Variants in STN1 observed in about 807,000 individuals in gnomAD.
STN1 encodes the protein STN1 subunit of CST complex, also known as CST complex subunit STN1.
In STN1, 29 loss-of-function variants were observed where a neutral mutation model predicts 45.5. The observed-to-expected ratio is 0.64, with a 90% CI of 0.47 to 0.87. The LOEUF (loss-of-function observed/expected upper bound fraction) is 0.87, where lower values mean the gene tolerates loss of function less well. STN1 is among the 40% of genes least tolerant of loss of function. The probability of loss-of-function intolerance (pLI) is 0.00; values close to 1 mark genes in which losing one functional copy is unlikely to be tolerated. For missense variants in STN1, 376 were observed against 441.4 expected, an observed-to-expected ratio of 0.85 and a Z score of 1.33; for synonymous variants, 148 against 159.0, an observed-to-expected ratio of 0.93 and a Z score of 0.52.
Position 103,882,698 on chromosome 10 carries a change from A to T in STN1, c.1093T>A (p.Tyr365Asn), listed in dbSNP as rs1468540767. The T allele has an allele frequency of 2.5e-6, 4 of 1,613,280 alleles. No individual in the cohort carries two copies. The African/African-American group carries it at 5.3e-5, about 22-fold the overall frequency. Residue 365 changes from tyrosine to asparagine, a missense_variant, in exon 10 of 10, where the codon TAC (tyrosine) becomes AAC (asparagine). By Grantham distance (143) the Tyr-to-Asn change is moderately radical. Coordinates refer to ENST00000224950, the MANE Select transcript of STN1 (RefSeq NM_024928.5). ...SDIVSTMEHY[Y>N]TAF is the part of the protein sequence containing the mutation. Reference sequence around the variant, plus strand: ...CGTGTCTCTGCTCAGAACGCTGTGTAGTAGTGCTCCATTGTGCTGACAATG... The same window carrying T: ...CGTGTCTCTGCTCAGAACGCTGTGTTGTAGTGCTCCATTGTGCTGACAATG...
In STN1 at chr10:103,879,287, C is replaced by T. The variant is rs1025314957; in HGVS notation, c.*3397G>A. 6.6e-6 allele frequency: 1 copy of T among 152,472 alleles called. No homozygotes were observed. The highest frequency in any genetic ancestry group is 2.1e-4 in the South Asian group (1 of 4,832). The allele number at this position is 152,472 out of a possible 1,614,324, so 9.4% of individuals were successfully genotyped here. On this transcript the variant is annotated 3_prime_UTR_variant, in exon 10 of 10. Transcript: ENST00000224950. ...GAGAATTCTGCCATCATGGAACATT[C>T]TGTCTATTGGGGGAAAATAATAAAC... is the stretch of plus-strand genomic sequence containing the variant.
At chr10:103,892,384 G>A in intron 7 of STN1, 132 bp from the exon 8 acceptor site, 1 of 745,264 alleles carries the variant, frequency 1.3e-6, no homozygotes, top group Non-Finnish European at 2.1e-6. Flanking sequence ...AAAGATCCTG[G>A]TATGTACCGG....
rs1378244166 is a variant in STN1 at position 103,892,351 on chromosome 10, A to G, written c.754-99T>C. The G allele has an allele frequency of 1.7e-5, 19 of 1,137,614 alleles. No homozygotes were observed. The Admixed American group carries it at 4.8e-4, about 29-fold the overall frequency. 70.5% of individuals were successfully genotyped at this position (1,137,614 alleles called of 1,614,324 possible). ...CAACTGGTTCATGAATTTGTCCAAC[A>G]GGCCTTTTAACTGCTGAGTCAAAAA... is the stretch of plus-strand genomic sequence containing the variant. On this transcript the variant is annotated intron_variant, in intron 7 of 9. Transcript: ENST00000224950.
chr10:103,908,912 G>A (rs1761508756), intron 3 of STN1, among the ~76,000 whole-genome samples: 1 of 151,544 alleles, frequency 6.6e-6, no homozygotes, highest in South Asian at 2.1e-4. Flanking sequence ...GGTGGGTGGG[G>A]GATGGAAGAA....
chr10:103,899,874 C>A, intron 5 of STN1, 188 bp downstream of exon 5: 1 of 531,862 alleles, frequency 1.9e-6, no homozygotes, highest in Non-Finnish European at 3.3e-6. Context: ...TTATAATTAG[C>A]TGTCTTCAAA....
rs1200900421 is a variant in STN1 at position 103,900,287 on chromosome 10, G to A, written c.296-64C>T. The A allele has an allele frequency of 2.6e-6, 4 of 1,530,544 alleles. No individual in the cohort carries two copies. The Admixed American group carries it at 7.3e-5, about 28-fold the overall frequency. 94.8% of individuals were successfully genotyped at this position (1,530,544 alleles called of 1,614,324 possible). On this transcript the variant is annotated intron_variant, in intron 4 of 9. Coordinates refer to ENST00000224950, the MANE Select transcript of STN1 (RefSeq NM_024928.5). ...ATAACACAATCACTCTACCACATCTGTGAGACAGTTTTAGGGTAAGACCAA... is the reference window on the plus strand; with the variant it reads ...ATAACACAATCACTCTACCACATCTATGAGACAGTTTTAGGGTAAGACCAA...
chr10:103,891,967 T>C (rs534745742), intron 8 of STN1, among the ~76,000 whole-genome samples, 163 bp downstream of exon 8: 65 of 152,354 alleles, frequency 4.3e-4, no homozygotes, highest in African/African-American at 1.5e-3. Flanking sequence ...TCAACTGTAT[T>C]ATTAAAAGAG....
At position 103,900,223 on chromosome 10, in the gene STN1, GC is replaced by G. The variant is rs758605000; in HGVS notation, c.296-1del. The stretch of plus-strand genomic sequence containing the variant: ...GAGCTCTCTTGCTGCACTTGGAGCA[GC>G]TGTAGTTGTTTAGAGCCAGAGGGAA... On this transcript the variant is annotated splice_acceptor_variant, in intron 4 of 9. Transcript: ENST00000224950. LOFTEE classifies it high-confidence loss of function. 1.2e-6 allele frequency: 2 copies of G among 1,613,550 alleles called. No individual in the cohort carries two copies. The highest frequency in any genetic ancestry group is 2.2e-5 in the South Asian group (2 of 91,010).
At chr10:103,906,591 T>A (rs74905759) in intron 3 of STN1, among the ~76,000 whole-genome samples, 6 of 151,742 alleles carry the variant, frequency 4.0e-5, no homozygotes, top group African/African-American at 1.5e-4. Flanking sequence ...AGCCCAGGAG[T>A]TCAAGGCTGC....
At position 103,882,588 on chromosome 10, in the gene STN1, CCAGA is replaced by C; in HGVS notation, c.*92_*95del. The C allele has an allele frequency of 2.3e-6, 3 of 1,305,070 alleles. No homozygotes were observed. In the Middle Eastern group the frequency reaches 5.8e-4, roughly 252 times the overall value. The allele number at this position is 1,305,070 out of a possible 1,614,324, so 80.8% of individuals were successfully genotyped here. A position where few individuals can be genotyped will look rare whatever the true frequency, so the allele number is the denominator to read the frequency against. Reference sequence around the variant, plus strand: ...ATAGTTTATTATGAGGTAACTGCCTCCAGACAGATAAGCCCCTGCATGATGCTGA... The same window carrying C: ...ATAGTTTATTATGAGGTAACTGCCTCCAGATAAGCCCCTGCATGATGCTGA... On this transcript the variant is annotated 3_prime_UTR_variant, in exon 10 of 10. Transcript: ENST00000224950.
At position 103,905,111 on chromosome 10, in the gene STN1, A is replaced by G. The variant is rs774062845; in HGVS notation, c.275T>C (p.Leu92Ser). 3 of 1,614,108 alleles carry G rather than the reference A, an allele frequency of 1.9e-6. No individual in the cohort carries two copies. In the East Asian group the frequency reaches 6.7e-5, roughly 36 times the overall value. The change falls in exon 4 of 10, where the codon TTG (leucine) becomes TCG (serine). Residue 92 changes from leucine to serine, a missense_variant. By Grantham distance (145) the Leu-to-Ser change is moderately radical (BLOSUM62 -2). Coordinates refer to ENST00000224950, the MANE Select transcript of STN1 (RefSeq NM_024928.5). ...GVINCICWKKLNTESVSAAPS... is the reference protein window; with the variant it reads ...GVINCICWKKSNTESVSAAPS... ...ATTACCTGATACAGACTCAGTATTCAACTTTTTCCAGCAGATGCAGTTTAT... is the reference window on the plus strand; with the variant it reads ...ATTACCTGATACAGACTCAGTATTCGACTTTTTCCAGCAGATGCAGTTTAT...
chr10:103,901,315 G>A (rs1275283067), intron 4 of STN1, among the ~76,000 whole-genome samples: 5 of 152,186 alleles, frequency 3.3e-5, no homozygotes, highest in Non-Finnish European at 7.3e-5. Flanking sequence ...TTGAACTCCT[G>A]GCCTCAAGCA....
At chr10:103,892,069 G>C in intron 8 of STN1, 61 bp downstream of exon 8, 3 of 1,302,110 alleles carry the variant, frequency 2.3e-6, no homozygotes, top group Non-Finnish European at 3.2e-6. Context: ...TTATTCATAA[G>C]TAATAAATAT....
intron 2 of STN1, among the ~76,000 whole-genome samples, chr10:103,913,520 T>C (rs1843305098): frequency 6.6e-6 from 1 of 151,378 alleles, no homozygotes; most frequent in Non-Finnish European, 1.5e-5. Context: ...TAACAGATAG[T>C]TTGAATTTTA....
intron 9 of STN1, among the ~76,000 whole-genome samples, chr10:103,884,037 C>T (rs1843087961): frequency 7.2e-6 from 1 of 139,196 alleles, no homozygotes; most frequent in Non-Finnish European, 1.5e-5. Context: ...TTGCAGTGAG[C>T]CGAGATTGCG....
intron 4 of STN1, among the ~76,000 whole-genome samples, chr10:103,902,818 C>A (rs1843217962): frequency 6.6e-6 from 1 of 152,156 alleles, no homozygotes; most frequent in Admixed American, 6.6e-5. Context: ...TAGTTGGGAA[C>A]AATTTAAAGA....
chr10:103,900,262 A>G (rs761981186), intron 4 of STN1, 39 bp from the exon 5 acceptor site: 115 of 1,604,450 alleles, frequency 7.2e-5, no homozygotes, highest in Non-Finnish European at 9.4e-5. Flanking sequence ...AGAAAAAGTT[A>G]TAACACAATC....
intron 7 of STN1, among the ~76,000 whole-genome samples, chr10:103,893,840 T>C (rs185634806): frequency 3.3e-5 from 5 of 152,346 alleles, no homozygotes; most frequent in Admixed American, 2.6e-4. Context: ...AACACACTAA[T>C]TGAATTATCA....
At chr10:103,900,639 T>A (rs1199278572) in intron 4 of STN1, among the ~76,000 whole-genome samples, 2 of 151,988 alleles carry the variant, frequency 1.3e-5, no homozygotes, top group Non-Finnish European at 2.9e-5. Flanking sequence ...ATCTGAGTGC[T>A]CAACATCCCA....
Sources: allele counts gnomAD v4.1 joint callset (sites outside exome capture counted in the v4.1 genomes callset), GRCh38; gene constraint gnomAD v4.1.1; transcripts MANE v1.5; gene names NCBI Gene and HGNC (gene_info 2026-07-23, HGNC 2026-07-21).